SOST: variants seen among roughly 807,000 people sequenced by gnomAD.
The protein encoded by SOST is sclerosteosis.
A neutral mutation model predicts 16.7 loss-of-function variants in SOST; 14 were observed. The ratio of observed to expected loss-of-function variants is 0.84; its 90% CI spans 0.55 to 1.31. The LOEUF (loss-of-function observed/expected upper bound fraction) is 1.31. SOST is among the 50% of genes most tolerant of loss of function. The pLI, the probability that SOST is intolerant of heterozygous loss-of-function variation, is 0.00. For synonymous variants in SOST, 150 were observed against 140.9 expected (o/e 1.06, Z -0.46); for missense variants, 291 against 310.7 (o/e 0.94, Z 0.48).
At position 43,758,526 on chromosome 17, in the gene SOST, G is replaced by T. The variant is rs1250633758; in HGVS notation, c.216C>A (p.Thr72=). ...ATTCTCTCCTCCACCCCATACCTTT[G>T]GTCTCAAAGGGGTGGTGGGGAGGCC... is the stretch of plus-strand genomic sequence containing the variant. ...GGRPPHHPFE[T]KDVSEYSCRE... Residue 72 remains threonine, a synonymous_variant, in exon 1 of 2, where the codon ACC becomes ACA. Coordinates refer to ENST00000301691, the MANE Select transcript of SOST (RefSeq NM_025237.3). 13 of 1,611,682 alleles carry T rather than the reference G, an allele frequency of 8.1e-6. No individual in the cohort carries two copies. Among genetic ancestry groups the T allele is most frequent in the South Asian group, 1.1e-5 (1 of 90,984 alleles).
In SOST at chr17:43,755,142, G is replaced by A. The variant is rs1319987833; in HGVS notation, c.*200C>T. ...CTCTCAATTCCCTCCCCTGCCCCGT[G>A]GGACCCCTCAGCTGGCGGGCTGAGG... On this transcript the variant is annotated 3_prime_UTR_variant, in exon 2 of 2. Coordinates refer to ENST00000301691, the MANE Select transcript of SOST (RefSeq NM_025237.3). The surrounding 1 kb of genome is among the most constrained non-coding windows in gnomAD (Gnocchi z 4.3). 1 of 538,316 alleles carries A rather than the reference G, an allele frequency of 1.9e-6. No homozygotes were observed. The highest frequency in any genetic ancestry group is 3.2e-6 in the Non-Finnish European group (1 of 316,004). 33.3% of individuals were successfully genotyped at this position (538,316 alleles called of 1,614,324 possible).
chr17:43,755,286 T>C lies in SOST; in HGVS notation c.*56A>G. 7.0e-7 allele frequency: 1 copy of C among 1,431,960 alleles called. No individual in the cohort carries two copies. The highest frequency in any genetic ancestry group is 9.2e-7 in the Non-Finnish European group (1 of 1,087,318). 88.7% of individuals were successfully genotyped at this position (1,431,960 alleles called of 1,614,324 possible). ...AAACCACGCGCAGAGGACAGAAATG[T>C]GGGGCGCGGGTTCAGGGCCGGGGCG... On this transcript the variant is annotated 3_prime_UTR_variant, in exon 2 of 2. Coordinates refer to ENST00000301691, the MANE Select transcript of SOST (RefSeq NM_025237.3). The surrounding 1 kb of genome is among the most constrained non-coding windows in gnomAD (Gnocchi z 4.3).
chr17:43,756,100 G>T (rs907678159), intron 1 of SOST, among the ~76,000 whole-genome samples: 2 of 152,198 alleles, frequency 1.3e-5, no homozygotes, highest in African/African-American at 4.8e-5. Context: ...CATTACACAC[G>T]CAATGCAGAA....
rs576550945 is a variant in SOST, at chr17:43,757,951, G to C, written c.220+571C>G. 7.9e-5 allele frequency among the ~76,000 whole-genome samples: 12 copies of C among 152,294 alleles called. No homozygotes were observed. In the East Asian group the frequency reaches 2.3e-3, roughly 29 times the overall value. ...CACACACCAGGGCTATCTTGCAGTT[G>C]GATCAAACCAGGTTCACACCTCAGC... is the stretch of plus-strand genomic sequence containing the variant. On this transcript the variant is annotated intron_variant, in intron 1 of 1. Coordinates refer to ENST00000301691, the MANE Select transcript of SOST (RefSeq NM_025237.3).
Position 43,758,788 on chromosome 17 carries a change from T to G in SOST, c.-47A>C. ...CGCCACCTTCCAGTAGCACAGGCTC[T>G]GGTCTCCAGCCGAGACACGGTCGCC... On this transcript the variant is annotated 5_prime_UTR_variant, in exon 1 of 2. Transcript: ENST00000301691. 5.3e-6 allele frequency: 8 copies of G among 1,513,992 alleles called. No homozygotes were observed. Among genetic ancestry groups the G allele is most frequent in the Non-Finnish European group, 7.3e-6 (8 of 1,095,136 alleles). The allele number at this position is 1,513,992 out of a possible 1,614,324, so 93.8% of individuals were successfully genotyped here. A position where few individuals can be genotyped will look rare whatever the true frequency, so the allele number is the denominator to read the frequency against.
rs771690252 is a variant in SOST, at chr17:43,755,294, G to A, written c.*48C>T. ...CGCAGAGGACAGAAATGTGGGGCGCGGGTTCAGGGCCGGGGCGCCCGCCGG... is the reference window on the plus strand; with the variant it reads ...CGCAGAGGACAGAAATGTGGGGCGCAGGTTCAGGGCCGGGGCGCCCGCCGG... On this transcript the variant is annotated 3_prime_UTR_variant, in exon 2 of 2. Coordinates refer to ENST00000301691, the MANE Select transcript of SOST (RefSeq NM_025237.3). This position sits in a 1 kb window ranked among gnomAD's most constrained non-coding sequence, Gnocchi z 4.3. The A allele has an allele frequency of 2.1e-6, 3 of 1,456,424 alleles. No individual in the cohort carries two copies. Among genetic ancestry groups the A allele is most frequent in the Non-Finnish European group, 2.7e-6 (3 of 1,107,018 alleles). The allele number at this position is 1,456,424 out of a possible 1,614,324, so 90.2% of individuals were successfully genotyped here.
Position 43,755,245 on chromosome 17 carries a change from T to C in SOST, c.*97A>G. ...TGCCCTGGGTTGCAGGCATTTACAATGAAATATAAACAATCAAACCACGCG... is the reference window on the plus strand; with the variant it reads ...TGCCCTGGGTTGCAGGCATTTACAACGAAATATAAACAATCAAACCACGCG... On this transcript the variant is annotated 3_prime_UTR_variant, in exon 2 of 2. Transcript: ENST00000301691. The surrounding 1 kb of genome is among the most constrained non-coding windows in gnomAD (Gnocchi z 4.3). 1.7e-6 allele frequency: 2 copies of C among 1,209,066 alleles called. No individual in the cohort carries two copies. The highest frequency in any genetic ancestry group is 2.2e-6 in the Non-Finnish European group (2 of 906,368). The allele number at this position is 1,209,066 out of a possible 1,614,324, so 74.9% of individuals were successfully genotyped here. A position where few individuals can be genotyped will look rare whatever the true frequency, so the allele number is the denominator to read the frequency against.
At chr17:43,756,508 G>A (rs1974131957) in intron 1 of SOST, among the ~76,000 whole-genome samples, 1 of 152,184 alleles carries the variant, frequency 6.6e-6, no homozygotes, top group Non-Finnish European at 1.5e-5. Flanking sequence ...CCAAAAGGCT[G>A]GGCTGCATCT....
rs1033755349 is a variant in SOST at position 43,755,855 on chromosome 17, C to G, written c.221-92G>C. ...TCTCTCCACCCCAGCCCTGCTTTTGCCAAGCCTGTCTCCAGAGGCTTTTGC... is the reference window on the plus strand; with the variant it reads ...TCTCTCCACCCCAGCCCTGCTTTTGGCAAGCCTGTCTCCAGAGGCTTTTGC... On this transcript the variant is annotated intron_variant, in intron 1 of 1. Coordinates refer to ENST00000301691, the MANE Select transcript of SOST (RefSeq NM_025237.3). The surrounding 1 kb of genome is among the most constrained non-coding windows in gnomAD (Gnocchi z 4.3). 1.7e-5 allele frequency: 24 copies of G among 1,417,640 alleles called. No homozygotes were observed. The African/African-American group carries it at 2.5e-4, about 15-fold the overall frequency. The allele number at this position is 1,417,640 out of a possible 1,614,324, so 87.8% of individuals were successfully genotyped here. A position where few individuals can be genotyped will look rare whatever the true frequency, so the allele number is the denominator to read the frequency against.
chr17:43,756,402 A>G (rs1346421656), intron 1 of SOST, among the ~76,000 whole-genome samples: 2 of 152,210 alleles, frequency 1.3e-5, no homozygotes, highest in Non-Finnish European at 2.9e-5. Flanking sequence ...TGATCAGGAC[A>G]GGAATTCATT....
Position 43,758,641 on chromosome 17 carries a change from G to A in SOST, c.101C>T (p.Thr34Met), listed in dbSNP as rs200581535. Residue 34 changes from threonine (T) to methionine (M), a missense_variant, in exon 1 of 2, where the codon ACG becomes ATG. Thr to Met is a moderately conservative substitution (Grantham distance 81). Transcript: ENST00000301691. ...CTCTCCGAGCTCGGGGATGATTTCC[G>A]TGGCATCATTCTTGAACGCCTGCCA... ...QGWQAFKNDATEIIPELGEYP... is the reference protein window; with the variant it reads ...QGWQAFKNDAMEIIPELGEYP... The A allele has an allele frequency of 7.4e-6, 12 of 1,614,124 alleles. No homozygotes were observed. The East Asian group carries it at 1.3e-4, about 18-fold the overall frequency.
intron 1 of SOST, among the ~76,000 whole-genome samples, chr17:43,756,781 G>A (rs1228441452): frequency 1.3e-5 from 2 of 152,252 alleles, no homozygotes; most frequent in South Asian, 2.1e-4. Flanking sequence ...TACTCCCTGG[G>A]CAGGCAGAGA....
intron 1 of SOST, among the ~76,000 whole-genome samples, chr17:43,756,308 A>G (rs1381656265): frequency 6.6e-6 from 1 of 152,048 alleles, no homozygotes; most frequent in Non-Finnish European, 1.5e-5. Context: ...GGAGGGGTGG[A>G]CAGGGGATGG....
rs763370562 is a variant in SOST, at chr17:43,753,796, T to C, written c.*1546A>G. 2.6e-5 allele frequency: 4 copies of C among 152,666 alleles called. No individual in the cohort carries two copies. Among genetic ancestry groups the C allele is most frequent in the Non-Finnish European group, 5.9e-5 (4 of 68,046 alleles). The allele number at this position is 152,666 out of a possible 1,614,324, so 9.5% of individuals were successfully genotyped here. A position where few individuals can be genotyped will look rare whatever the true frequency, so the allele number is the denominator to read the frequency against. On this transcript the variant is annotated 3_prime_UTR_variant, in exon 2 of 2. Coordinates refer to ENST00000301691, the MANE Select transcript of SOST (RefSeq NM_025237.3). ...GGACTCTGGAAGAACAGACTGTTAA[T>C]TCATAAAGCAATATTAACATTGTCA...
chr17:43,755,409 C>T lies in SOST; in HGVS notation c.575G>A (p.Gly192Asp), dbSNP rs1388270793. ...FGTEAARPQK[G>D]RKPRPRARSA... ...CCGGGCGCGGGGCCGCGGCTTCCGG[C>T]CCTTCTGCGGCCGAGCGGCCTCGGT... is the stretch of plus-strand genomic sequence containing the variant. Residue 192 changes from glycine (G) to aspartate (D), a missense_variant, in exon 2 of 2, where the codon GGC becomes GAC. By Grantham distance (94) the Gly-to-Asp change is moderately conservative. Transcript: ENST00000301691. This position sits in a 1 kb window ranked among gnomAD's most constrained non-coding sequence, Gnocchi z 4.3. The T allele has an allele frequency of 1.0e-5, 16 of 1,592,502 alleles. No individual in the cohort carries two copies. The highest frequency in any genetic ancestry group is 1.3e-5 in the Non-Finnish European group (15 of 1,177,458).
Position 43,755,003 on chromosome 17 carries a change from C to T in SOST, c.*339G>A. On this transcript the variant is annotated 3_prime_UTR_variant, in exon 2 of 2. Coordinates refer to ENST00000301691, the MANE Select transcript of SOST (RefSeq NM_025237.3). This position sits in a 1 kb window ranked among gnomAD's most constrained non-coding sequence, Gnocchi z 4.3. ...TCCCTGGACTTTCCCACTCCCACACCGCTCCCTTAAAACCCCAGGGCGGTG... is the reference window on the plus strand; with the variant it reads ...TCCCTGGACTTTCCCACTCCCACACTGCTCCCTTAAAACCCCAGGGCGGTG... The T allele has an allele frequency of 6.7e-6, 2 of 298,030 alleles. No homozygotes were observed. Among genetic ancestry groups the T allele is most frequent in the Non-Finnish European group, 1.2e-5 (2 of 162,912 alleles). The allele number at this position is 298,030 out of a possible 1,614,324, so 18.5% of individuals were successfully genotyped here.
At chr17:43,757,246 G>T (rs1002600993) in intron 1 of SOST, among the ~76,000 whole-genome samples, 4 of 152,250 alleles carry the variant, frequency 2.6e-5, no homozygotes, top group African/African-American at 9.6e-5. Flanking sequence ...TTCCTCAGGG[G>T]CTGTGGCCTC....
chr17:43,758,433 G>T, intron 1 of SOST, 89 bp downstream of exon 1: 1 of 1,053,110 alleles, frequency 9.5e-7, no homozygotes, highest in Non-Finnish European at 1.4e-6. Flanking sequence ...TCTTCACTGG[G>T]TCTACCCCAG....
In SOST at chr17:43,754,827, T is replaced by C. The variant is rs953672812; in HGVS notation, c.*515A>G. On this transcript the variant is annotated 3_prime_UTR_variant, in exon 2 of 2. Transcript: ENST00000301691. Reference sequence around the variant, plus strand: ...AAATTGAGGTCCCGAAGGAGAATTGTGTAGTTCAAGGTTACACAGCAAGTT... The same window carrying C: ...AAATTGAGGTCCCGAAGGAGAATTGCGTAGTTCAAGGTTACACAGCAAGTT... The C allele has an allele frequency of 6.5e-6, 1 of 152,976 alleles. No individual in the cohort carries two copies. The highest frequency in any genetic ancestry group is 2.4e-5 in the African/African-American group (1 of 41,462). 9.5% of individuals were successfully genotyped at this position (152,976 alleles called of 1,614,324 possible). A position where few individuals can be genotyped will look rare whatever the true frequency, so the allele number is the denominator to read the frequency against.
Sources: allele counts gnomAD v4.1 joint callset (sites outside exome capture counted in the v4.1 genomes callset), GRCh38; gene constraint gnomAD v4.1.1; non-coding constraint Gnocchi (gnomAD v3.1); transcripts MANE v1.5; gene names NCBI Gene and HGNC (gene_info 2026-07-23, HGNC 2026-07-21).